The following DNAH9 variants were observed in gnomAD, a reference collection of about 807,000 sequenced individuals.
DNAH9 encodes DNAH9 variant protein.
In DNAH9, 345 loss-of-function variants were observed where a neutral mutation model predicts 471.6. The observed-to-expected ratio is 0.73, with a 90% CI of 0.67 to 0.80. The LOEUF (loss-of-function observed/expected upper bound fraction) is 0.80, where lower values mean the gene tolerates loss of function less well. Ranked by LOEUF, DNAH9 falls within the 30% of genes least tolerant of loss-of-function variation. The pLI is 0.00. For missense variants in DNAH9, 5,407 were observed against 5,609.2 expected, an observed-to-expected ratio of 0.96 and a Z score of 1.15; for synonymous variants, 2,093 against 2,123.6, an observed-to-expected ratio of 0.99 and a Z score of 0.40.
chr17:11,738,698 A>T (rs1434664905), intron 28 of DNAH9, among the ~76,000 whole-genome samples, 182 bp from the exon 29 acceptor site: 2 of 152,132 alleles, frequency 1.3e-5, no homozygotes, highest in South Asian at 2.1e-4. Flanking sequence ...GATTTCTTTT[A>T]GACATGCAAC....
chr17:11,645,873 C>CTTTTTTTT lies in DNAH9; in HGVS notation c.1970+1179_1970+1180insTTTTTTTT, dbSNP rs1205010044. Among the ~76,000 whole-genome samples the CTTTTTTTT allele has an allele frequency of 2.1e-4, 29 of 138,744 alleles. 2 individuals are homozygous for CTTTTTTTT. Among genetic ancestry groups the CTTTTTTTT allele is most frequent in the African/African-American group, 7.7e-4 (27 of 35,104 alleles). The allele number at this position is 138,744 out of a possible 152,430, so 91.0% of individuals were successfully genotyped here. A position where few individuals can be genotyped will look rare whatever the true frequency, so the allele number is the denominator to read the frequency against. On this transcript the variant is annotated intron_variant, in intron 11 of 68. Coordinates refer to ENST00000262442, the MANE Select transcript of DNAH9 (RefSeq NM_001372.4). ...TGATGTCCTGTACATTTCTCTTTTT[C>CTTTTTTTT]TTTTTCTTTTTTTTTTTTTTTTTTG...
intron 48 of DNAH9, among the ~76,000 whole-genome samples, chr17:11,829,504 C>G (rs561512482): frequency 6.6e-6 from 1 of 152,324 alleles, no homozygotes; most frequent in African/African-American, 2.4e-5. Flanking sequence ...CTGAGTCTCA[C>G]TCTGTCACCC....
In DNAH9 at chr17:11,784,448, C is replaced by T. The variant is rs750713145; in HGVS notation, c.7970C>T (p.Ala2657Val). 9.9e-6 allele frequency: 16 copies of T among 1,614,224 alleles called. No individual in the cohort carries two copies. The South Asian group carries it at 1.2e-4, about 12-fold the overall frequency. ...CCCCCACTGATCGATCTGGCCCTCG[C>T]CTTCCACCAGAAAATTGCTACCACC... ...SIPPLIDLAL[A>V]FHQKIATTFL... Residue 2657 changes from alanine to valine, a missense_variant, in exon 41 of 69, where the codon GCC becomes GTC. Around this residue, in one of 3 missense-constraint regions of DNAH9, gnomAD observed 4,636 missense variants for 4,900.3 expected, o/e 0.95. Coordinates refer to ENST00000262442, the MANE Select transcript of DNAH9 (RefSeq NM_001372.4).
chr17:11,768,191 G>T (rs1968046668), intron 36 of DNAH9, among the ~76,000 whole-genome samples: 1 of 152,176 alleles, frequency 6.6e-6, no homozygotes, highest in African/African-American at 2.4e-5. Flanking sequence ...ACCCTTCAGT[G>T]GCTGTAAGAC....
chr17:11,720,993 G>A (rs1279961573), intron 27 of DNAH9, among the ~76,000 whole-genome samples: 1 of 151,594 alleles, frequency 6.6e-6, no homozygotes, highest in African/African-American at 2.4e-5. Flanking sequence ...TTGAGCAATG[G>A]CAGCAGCACT....
intron 59 of DNAH9, among the ~76,000 whole-genome samples, chr17:11,896,000 C>CT (rs946787529): frequency 6.6e-6 from 1 of 152,162 alleles, no homozygotes; most frequent in African/African-American, 2.4e-5. Flanking sequence ...GCCTGTATTG[C>CT]TTTAACCAAC....
rs561084519 is a variant in DNAH9, at chr17:11,822,023, T to C, written c.8811T>C (p.Cys2937=). 7.4e-6 allele frequency: 12 copies of C among 1,614,030 alleles called. No homozygotes were observed. The highest frequency in any genetic ancestry group is 4.0e-5 in the African/African-American group (3 of 75,006). ...GTCTGGTTGACAACAGAGAGAACTG[T>C]TGGAAGTTCTTTATAGATCGGATCC... ...SQGLVDNREN[C]WKFFIDRIRR... The change falls in exon 46 of 69, where the codon TGT becomes TGC. Residue 2937 remains cysteine, a synonymous_variant. Coordinates refer to ENST00000262442, the MANE Select transcript of DNAH9 (RefSeq NM_001372.4).
intron 67 of DNAH9, among the ~76,000 whole-genome samples, chr17:11,956,817 T>C (rs1376049177): frequency 6.6e-6 from 1 of 151,612 alleles, no homozygotes; most frequent in Non-Finnish European, 1.5e-5. Context: ...GATGCGAATA[T>C]CAGCAATGAA....
In DNAH9 at chr17:11,822,440, G is replaced by A. The variant is rs370508419; in HGVS notation, c.8853G>A (p.Val2951=). Residue 2951 remains valine, a splice_region_variant and synonymous_variant, in exon 47 of 69, where the codon GTG becomes GTA. Transcript: ENST00000262442. ...FIDRIRRQLK[V]TLCFSPVGNK... ...TCCCCACCCTTCTGACTTCTCAGGTGACTCTCTGTTTCTCCCCTGTGGGAA... is the reference window on the plus strand; with the variant it reads ...TCCCCACCCTTCTGACTTCTCAGGTAACTCTCTGTTTCTCCCCTGTGGGAA... 1.9e-6 allele frequency: 3 copies of A among 1,613,972 alleles called. No individual in the cohort carries two copies. The highest frequency in any genetic ancestry group is 1.3e-5 in the African/African-American group (1 of 74,914).
At chr17:11,747,910 A>G in intron 32 of DNAH9, 144 bp downstream of exon 32, 1 of 743,442 alleles carries the variant, frequency 1.3e-6, no homozygotes, top group Non-Finnish European at 2.2e-6. Context: ...AGCCAGTAGA[A>G]AGGGAGAAAC....
At chr17:11,881,794 C>A (rs1385935841) in intron 55 of DNAH9, among the ~76,000 whole-genome samples, 1 of 152,122 alleles carries the variant, frequency 6.6e-6, no homozygotes, top group African/African-American at 2.4e-5. Flanking sequence ...AGCCTGTAGT[C>A]CTAGCTACTC....
chr17:11,775,595 CTTTTTTTTTTTTTTT>C (rs71142246), intron 38 of DNAH9, among the ~76,000 whole-genome samples: 3 of 61,014 alleles, frequency 4.9e-5, no homozygotes, highest in Admixed American at 1.8e-4. Flanking sequence ...ATCAGATGTT[CTTTTTTTTTTTTTTT>C]TTTTTTTTTT....
At chr17:11,807,653 TC>T in intron 43 of DNAH9, 78 bp from the exon 44 acceptor site, 1 of 1,477,086 alleles carries the variant, frequency 6.8e-7, no homozygotes, top group Non-Finnish European at 9.2e-7. Flanking sequence ...AGGCCCCTGC[TC>T]CCACTCAAGC....
chr17:11,636,739 G>A lies in DNAH9; in HGVS notation c.1741G>A (p.Val581Met), dbSNP rs371695921. Residue 581 changes from valine (V) to methionine (M), a missense_variant, in exon 9 of 69, where the codon GTG (valine) becomes ATG (methionine). Coordinates refer to ENST00000262442, the MANE Select transcript of DNAH9 (RefSeq NM_001372.4). ...AATGTTCAACAAAGATCTGGATGCAGTGAGGATGATCTACAGTCAGCACGT... is the reference window on the plus strand; with the variant it reads ...AATGTTCAACAAAGATCTGGATGCAATGAGGATGATCTACAGTCAGCACGT... ...IQMFNKDLDA[V>M]RMIYSQHVQE... The A allele has an allele frequency of 5.9e-5, 95 of 1,613,990 alleles. No homozygotes were observed. Among genetic ancestry groups the A allele is most frequent in the Middle Eastern group, 4.9e-4 (3 of 6,084 alleles).
chr17:11,756,469 A>G (rs756681274), intron 33 of DNAH9, 99 bp from the exon 34 acceptor site: 26 of 747,186 alleles, frequency 3.5e-5, no homozygotes, highest in Non-Finnish European at 5.3e-5. Flanking sequence ...ATAATTCTCC[A>G]TAATCCCAAC....
At chr17:11,872,900 A>C (rs1020230790) in intron 52 of DNAH9, among the ~76,000 whole-genome samples, 2 of 152,256 alleles carry the variant, frequency 1.3e-5, no homozygotes, top group Non-Finnish European at 2.9e-5. Flanking sequence ...AGCCTGGGCG[A>C]CAGAGCGAGA....
intron 17 of DNAH9, 73 bp from the exon 18 acceptor site, chr17:11,679,684 G>T (rs2074101018): frequency 9.3e-7 from 1 of 1,071,476 alleles, no homozygotes; most frequent in Non-Finnish European, 1.4e-6. Flanking sequence ...TATTTTTGTT[G>T]GGGAAATCAA....
chr17:11,707,217 G>T (rs11078027), intron 26 of DNAH9, among the ~76,000 whole-genome samples: 4 of 152,286 alleles, frequency 2.6e-5, no homozygotes, highest in Admixed American at 6.5e-5. Flanking sequence ...CTGAATAACT[G>T]GTTCACTGAG....
chr17:11,817,648 A>G (rs962808007), intron 45 of DNAH9, among the ~76,000 whole-genome samples: 16 of 152,196 alleles, frequency 1.1e-4, no homozygotes, highest in African/African-American at 3.4e-4. Context: ...TCCATTAAAT[A>G]TTATTATTTA....
Sources: allele counts gnomAD v4.1 joint callset (sites outside exome capture counted in the v4.1 genomes callset), GRCh38; gene constraint gnomAD v4.1.1; regional missense constraint gnomAD v4.1.1; transcripts MANE v1.5; gene names NCBI Gene and HGNC (gene_info 2026-07-23, HGNC 2026-07-21).